The following MARCHF3 variants were observed in gnomAD, a reference collection of about 807,000 sequenced individuals.
MARCHF3 encodes the protein membrane associated ring-CH-type finger 3, also known as E3 ubiquitin-protein ligase MARCHF3.
In MARCHF3, 13 loss-of-function variants were observed where a neutral mutation model predicts 24.2. The ratio of observed to expected loss-of-function variants is 0.54; its 90% CI spans 0.35 to 0.85. The LOEUF (loss-of-function observed/expected upper bound fraction) is 0.85. Ranked by LOEUF, MARCHF3 falls within the 40% of genes least tolerant of loss-of-function variation. The pLI is 0.01. For synonymous variants in MARCHF3, 144 were observed against 137.3 expected, an observed-to-expected ratio of 1.05 and a Z score of -0.34; for missense variants, 276 against 325.0, an observed-to-expected ratio of 0.85 and a Z score of 1.16.
chr5:127,004,757 A>G (rs946329356), intron 1 of MARCHF3, among the ~76,000 whole-genome samples: 1 of 152,174 alleles, frequency 6.6e-6, no homozygotes, highest in African/African-American at 2.4e-5. Flanking sequence ...TAGTACATGA[A>G]GGAAACAGAG....
In MARCHF3 at chr5:127,005,133, CTTTTT is replaced by C. The variant is rs937505290; in HGVS notation, c.-57+25212_-57+25216del. Among the ~76,000 whole-genome samples the C allele has an allele frequency of 1.6e-3, 200 of 122,554 alleles. 1 individual carries two copies. Among genetic ancestry groups the C allele is most frequent in the Admixed American group, 2.8e-3 (33 of 11,664 alleles). 80.4% of individuals were successfully genotyped at this position (122,554 alleles called of 152,430 possible). ...GGAATGACATACATGCTCAGAAAGT[CTTTTT>C]TTTTTTTTTTTTTTTTGAGATGGAG... On this transcript the variant is annotated intron_variant, in intron 1 of 4. Coordinates refer to ENST00000308660, the MANE Select transcript of MARCHF3 (RefSeq NM_178450.5).
intron 1 of MARCHF3, among the ~76,000 whole-genome samples, chr5:126,978,507 A>G (rs1002074542): frequency 2.0e-5 from 3 of 152,234 alleles, no homozygotes; most frequent in Non-Finnish European, 4.4e-5. Flanking sequence ...GAAAAAGGTG[A>G]AAGGATCACA....
At chr5:126,986,752 G>A (rs73786261) in intron 1 of MARCHF3, among the ~76,000 whole-genome samples, 7,828 of 152,236 alleles carry the variant, frequency 0.051, 373 homozygotes, top group South Asian at 0.13. Context: ...TGACATGCCA[G>A]TGTTTGGGAG....
intron 1 of MARCHF3, among the ~76,000 whole-genome samples, chr5:126,973,037 T>C (rs1445653521): frequency 6.6e-6 from 1 of 152,256 alleles, no homozygotes; most frequent in Non-Finnish European, 1.5e-5. Flanking sequence ...CTTAAAATTT[T>C]AATATCTTCT....
chr5:126,889,347 T>C (rs915574656), intron 3 of MARCHF3, among the ~76,000 whole-genome samples: 2 of 151,960 alleles, frequency 1.3e-5, no homozygotes, highest in Admixed American at 1.3e-4. Flanking sequence ...AACAATAAAT[T>C]CCTATTTTGA....
chr5:126,990,033 T>A (rs1368159003), intron 1 of MARCHF3, among the ~76,000 whole-genome samples: 2 of 149,848 alleles, frequency 1.3e-5, no homozygotes, highest in African/African-American at 2.5e-5. Flanking sequence ...TTCACAGAAT[T>A]AGAAAAAACT....
At chr5:126,908,439 C>T (rs1452273341) in intron 3 of MARCHF3, among the ~76,000 whole-genome samples, 1 of 152,214 alleles carries the variant, frequency 6.6e-6, no homozygotes, top group South Asian at 2.1e-4. Flanking sequence ...TCCATTCTCC[C>T]TGTCACTTTC....
chr5:126,996,730 C>CTAAA (rs1751959505), intron 1 of MARCHF3, among the ~76,000 whole-genome samples: 2 of 151,236 alleles, frequency 1.3e-5, no homozygotes, highest in Non-Finnish European at 2.9e-5. Flanking sequence ...TGGAAATCAC[C>CTAAA]TAAATGTTCA....
chr5:126,871,445 C>T (rs1261832899), intron 4 of MARCHF3, among the ~76,000 whole-genome samples: 6 of 152,192 alleles, frequency 3.9e-5, no homozygotes, highest in African/African-American at 1.2e-4. Flanking sequence ...AGGTGGGGCA[C>T]GACTCCCTTG....
chr5:126,977,405 T>G (rs1211686912), intron 1 of MARCHF3, among the ~76,000 whole-genome samples: 1 of 152,182 alleles, frequency 6.6e-6, no homozygotes, highest in East Asian at 1.9e-4. Context: ...TTACCTTTCA[T>G]TTTTCACTTC....
chr5:126,939,129 C>G (rs1284823828), intron 1 of MARCHF3, among the ~76,000 whole-genome samples: 1 of 152,128 alleles, frequency 6.6e-6, no homozygotes, highest in Non-Finnish European at 1.5e-5. Flanking sequence ...AGCATTGATT[C>G]TGCAACAAAC....
At chr5:126,980,499 T>C (rs949667395) in intron 1 of MARCHF3, among the ~76,000 whole-genome samples, 4 of 152,000 alleles carry the variant, frequency 2.6e-5, no homozygotes, top group African/African-American at 9.7e-5. Flanking sequence ...GCCTCCTGAA[T>C]AGCTGGGACT....
At chr5:126,885,314 T>C (rs1313048310) in intron 3 of MARCHF3, among the ~76,000 whole-genome samples, 1 of 152,198 alleles carries the variant, frequency 6.6e-6, no homozygotes, top group East Asian at 1.9e-4. Flanking sequence ...ACGCCTGTAA[T>C]CTCAGCACTT....
intron 1 of MARCHF3, among the ~76,000 whole-genome samples, chr5:126,971,475 A>G (rs1230923262): frequency 6.6e-6 from 1 of 151,866 alleles, no homozygotes; most frequent in African/African-American, 2.4e-5. Flanking sequence ...AAAGAAAAGA[A>G]AAAACAAATG....
chr5:126,921,243 G>A (rs1331371812), intron 1 of MARCHF3, among the ~76,000 whole-genome samples: 1 of 152,130 alleles, frequency 6.6e-6, no homozygotes, highest in East Asian at 1.9e-4. Flanking sequence ...TGGGCTAAGA[G>A]GGATTACACA....
intron 1 of MARCHF3, among the ~76,000 whole-genome samples, chr5:126,922,070 G>C (rs766092562): frequency 5.9e-5 from 9 of 152,248 alleles, no homozygotes; most frequent in Non-Finnish European, 1.0e-4. Flanking sequence ...GTTGCCACTG[G>C]TAAGTGATTT....
At chr5:126,889,667 G>A (rs1044746552) in intron 3 of MARCHF3, among the ~76,000 whole-genome samples, 1 of 152,200 alleles carries the variant, frequency 6.6e-6, no homozygotes, top group Non-Finnish European at 1.5e-5. Context: ...AGTCCCTATA[G>A]TCCAATGTTT....
intron 3 of MARCHF3, chr5:126,899,120 C>G: frequency 1.0e-6 from 1 of 985,332 alleles, no homozygotes; most frequent in Non-Finnish European, 1.2e-6. Flanking sequence ...CCCAAACAAT[C>G]TCACAGCGTT....
chr5:126,881,036 C>T (rs1753323410), intron 3 of MARCHF3, among the ~76,000 whole-genome samples: 2 of 152,078 alleles, frequency 1.3e-5, no homozygotes, highest in African/African-American at 2.4e-5. Flanking sequence ...GAGGTAATTA[C>T]GAATCAGTGT....
Sources: gnomAD v4.1 joint callset for allele counts (sites outside exome capture counted in the v4.1 genomes callset) on GRCh38, gnomAD v4.1.1 for gene constraint, MANE v1.5 for transcripts, NCBI Gene and HGNC (gene_info 2026-07-23, HGNC 2026-07-21) for gene names.